The following GALNT2 variants were observed in gnomAD, a reference collection of about 807,000 sequenced individuals.
GALNT2 encodes polypeptide N-acetylgalactosaminyltransferase 2, also known as UDP-GalNAc:polypeptide N-acetylgalactosaminyltransferase 2.
GALNT2 carries 31 observed loss-of-function variants against 81.4 expected under a neutral mutation model. The observed-to-expected ratio is 0.38, with a 90% CI of 0.29 to 0.51. The LOEUF (loss-of-function observed/expected upper bound fraction) is 0.51, where lower values mean the gene tolerates loss of function less well. Ranked by LOEUF, GALNT2 falls within the 20% of genes least tolerant of loss-of-function variation. GALNT2 has a pLI of 0.87. For synonymous variants in GALNT2, 303 were observed against 287.4 expected (o/e 1.05, Z -0.55); for missense variants, 629 against 765.7 (o/e 0.82, Z 2.11).
At chr1:230,068,538 G>A (rs1659277681) in intron 1 of GALNT2, among the ~76,000 whole-genome samples, 1 of 152,218 alleles carries the variant, frequency 6.6e-6, no homozygotes, top group Admixed American at 6.5e-5. Context: ...TGGTTGGGTT[G>A]GAACAAGAGA....
chr1:230,236,525 C>A, intron 5 of GALNT2, 105 bp downstream of exon 5: 1 of 1,422,056 alleles, frequency 7.0e-7, no homozygotes, highest in Non-Finnish European at 9.8e-7. Flanking sequence ...GAAATCAGAT[C>A]CACAGAAAGA....
At chr1:230,185,682 T>C (rs953325716) in intron 2 of GALNT2, among the ~76,000 whole-genome samples, 22 of 152,332 alleles carry the variant, frequency 1.4e-4, no homozygotes, top group South Asian at 6.2e-4. Context: ...CACAGTGCCC[T>C]GGCTTCTTTC....
chr1:230,269,312 A>G (rs1049071975), intron 14 of GALNT2, among the ~76,000 whole-genome samples: 7 of 151,714 alleles, frequency 4.6e-5, no homozygotes, highest in African/African-American at 1.7e-4. Flanking sequence ...CAGCCTCTCA[A>G]GTAGCAGGGA....
chr1:230,142,121 A>C (rs959571943), intron 1 of GALNT2, among the ~76,000 whole-genome samples: 1 of 152,052 alleles, frequency 6.6e-6, no homozygotes, highest in African/African-American at 2.4e-5. Context: ...TGCTTAATAA[A>C]AGGCTGGGCT....
intron 1 of GALNT2, among the ~76,000 whole-genome samples, chr1:230,177,502 T>C (rs368309246): frequency 5.2e-5 from 8 of 152,382 alleles, no homozygotes; most frequent in East Asian, 3.9e-4. Flanking sequence ...GTGGAAAATA[T>C]ATATTTAGCT....
At chr1:230,242,595 C>T (rs867289418) in intron 6 of GALNT2, among the ~76,000 whole-genome samples, 6 of 152,098 alleles carry the variant, frequency 3.9e-5, no homozygotes, top group African/African-American at 1.2e-4. Context: ...AGTGCAGTGG[C>T]GCAATCATGG....
At chr1:230,141,453 C>G (rs1451366593) in intron 1 of GALNT2, among the ~76,000 whole-genome samples, 1 of 152,094 alleles carries the variant, frequency 6.6e-6, no homozygotes, top group African/African-American at 2.4e-5. Flanking sequence ...CTCCCTTCTC[C>G]CCTCCCCTCC....
chr1:230,246,004 T>C, intron 7 of GALNT2, 59 bp from the exon 8 acceptor site: 1 of 1,393,614 alleles, frequency 7.2e-7, no homozygotes, highest in Non-Finnish European at 1.0e-6. Flanking sequence ...CCTTCTGTGG[T>C]TGGGCAGGTT....
chr1:230,187,364 C>T (rs933982246), intron 2 of GALNT2, among the ~76,000 whole-genome samples: 2 of 152,254 alleles, frequency 1.3e-5, no homozygotes, highest in African/African-American at 4.8e-5. Context: ...TCCCTTGACC[C>T]CTTCACAGGA....
intron 1 of GALNT2, among the ~76,000 whole-genome samples, chr1:230,093,978 G>C (rs1305634829): frequency 2.7e-5 from 4 of 148,584 alleles, no homozygotes; most frequent in Non-Finnish European, 5.9e-5. Flanking sequence ...CTTCTTAAAT[G>C]AGGGTAATAA....
At chr1:230,107,644 G>GTGTGTGTGTGTGTGTGT (rs1553256987) in intron 1 of GALNT2, among the ~76,000 whole-genome samples, 8 of 147,680 alleles carry the variant, frequency 5.4e-5, no homozygotes, top group Admixed American at 6.7e-5. Context: ...GTGTGTGTGT[G>GTGTGTGTGTGTGTGTGT]GTTGGTTGGT....
rs184480002 is a variant in GALNT2 at position 230,228,544 on chromosome 1, A to G, written c.375-7470A>G. On this transcript the variant is annotated intron_variant, in intron 3 of 15. Coordinates refer to ENST00000366672, the MANE Select transcript of GALNT2 (RefSeq NM_004481.5). ...GAACTATTAAATCATGCTGGGGACA[A>G]TGGATTATCTACACAGAAAAAAAAA... Among the ~76,000 whole-genome samples, 5 of 152,088 alleles carry G rather than the reference A, an allele frequency of 3.3e-5. No homozygotes were observed. In the East Asian group the frequency reaches 7.8e-4, roughly 24 times the overall value.
At chr1:230,151,931 G>C (rs1186075972) in intron 1 of GALNT2, among the ~76,000 whole-genome samples, 2 of 152,184 alleles carry the variant, frequency 1.3e-5, no homozygotes, top group African/African-American at 4.8e-5. Flanking sequence ...GACCATATAG[G>C]GTAACTTCCT....
intron 1 of GALNT2, among the ~76,000 whole-genome samples, chr1:230,073,104 G>T (rs1202989229): frequency 4.6e-5 from 7 of 152,184 alleles, no homozygotes; most frequent in Non-Finnish European, 8.8e-5. Context: ...CCCCTGAATG[G>T]GTCTGGGATA....
chr1:230,261,902 T>C, intron 11 of GALNT2: 1 of 152,062 alleles, frequency 6.6e-6, no homozygotes, highest in Non-Finnish European at 1.5e-5. Flanking sequence ...TCCCAGCTGC[T>C]CAGGAAGCTC....
chr1:230,214,430 G>A (rs1664326254), intron 3 of GALNT2, among the ~76,000 whole-genome samples: 1 of 152,138 alleles, frequency 6.6e-6, no homozygotes, highest in South Asian at 2.1e-4. Context: ...TTTTTGAAGA[G>A]TCTTTTCACT....
intron 1 of GALNT2, among the ~76,000 whole-genome samples, chr1:230,119,023 T>C (rs1322701028): frequency 3.3e-5 from 5 of 152,170 alleles, no homozygotes; most frequent in African/African-American, 1.2e-4. Flanking sequence ...TAGTTTGAAC[T>C]CACAGTACCA....
chr1:230,209,954 A>G (rs1664183055), intron 3 of GALNT2, among the ~76,000 whole-genome samples: 1 of 152,216 alleles, frequency 6.6e-6, no homozygotes, highest in African/African-American at 2.4e-5. Context: ...CAGATCCTGA[A>G]ATGACTTGGG....
At chr1:230,075,104 A>C (rs1017176966) in intron 1 of GALNT2, among the ~76,000 whole-genome samples, 1 of 137,726 alleles carries the variant, frequency 7.3e-6, no homozygotes, top group African/African-American at 2.6e-5. Context: ...CTTTGATAGT[A>C]GTGCTGGTCT....
Sources: allele counts gnomAD v4.1 joint callset (sites outside exome capture counted in the v4.1 genomes callset), GRCh38; gene constraint gnomAD v4.1.1; transcripts MANE v1.5; gene names NCBI Gene and HGNC (gene_info 2026-07-23, HGNC 2026-07-21).